Variants in WWOX observed in about 807,000 individuals in gnomAD.
The protein encoded by WWOX is WW domain-containing oxidoreductase.
In WWOX, 69 loss-of-function variants were observed where a neutral mutation model predicts 46.2. The observed-to-expected ratio is 1.49, with a 90% CI of 1.23 to 1.82. The LOEUF is 1.82. Among genes scored for constraint, WWOX ranks in the 40% most tolerant of loss-of-function variants. The pLI is 0.00. For synonymous variants in WWOX, 359 were observed against 202.6 expected (o/e 1.77, Z -6.56); for missense variants, 919 against 542.6 (o/e 1.69, Z -6.89).
intron 5 of WWOX, among the ~76,000 whole-genome samples, chr16:78,382,860 G>A (rs1040109220): frequency 4.6e-5 from 7 of 151,712 alleles, no homozygotes. Context: ...TTCTCACACT[G>A]CTATATAAAC....
intron 8 of WWOX, among the ~76,000 whole-genome samples, chr16:78,865,530 T>G (rs893727538): frequency 6.6e-6 from 1 of 152,180 alleles, no homozygotes; most frequent in Non-Finnish European, 1.5e-5. Context: ...AAATTTATAA[T>G]TCCTTAGATT....
intron 8 of WWOX, among the ~76,000 whole-genome samples, chr16:78,688,705 G>C (rs7189393): frequency 6.6e-6 from 1 of 152,136 alleles, no homozygotes; most frequent in Non-Finnish European, 1.5e-5. Flanking sequence ...GATTGAGGGA[G>C]AGTGCTCCTG....
At chr16:78,118,740 G>A (rs1332618924) in intron 4 of WWOX, among the ~76,000 whole-genome samples, 1 of 152,152 alleles carries the variant, frequency 6.6e-6, no homozygotes, top group African/African-American at 2.4e-5. Context: ...CATTGAAAGT[G>A]ATATCACCCT....
chr16:78,303,646 G>T (rs546901780), intron 5 of WWOX, among the ~76,000 whole-genome samples: 60 of 152,328 alleles, frequency 3.9e-4, no homozygotes, highest in African/African-American at 1.0e-3. Flanking sequence ...CCGGTTTCAA[G>T]CGATTCTCAT....
intron 8 of WWOX, among the ~76,000 whole-genome samples, chr16:79,168,655 A>G (rs577381223): frequency 9.2e-5 from 14 of 152,308 alleles, no homozygotes; most frequent in African/African-American, 3.4e-4. Context: ...TAGAATTTCC[A>G]GGTACTTTCA....
intron 8 of WWOX, among the ~76,000 whole-genome samples, chr16:79,070,082 C>T (rs1173389201): frequency 1.3e-5 from 2 of 152,190 alleles, no homozygotes; most frequent in African/African-American, 4.8e-5. Flanking sequence ...ATAGTTCCTC[C>T]TCAAGACTTA....
chr16:78,332,885 G>A (rs1597494916), intron 5 of WWOX, among the ~76,000 whole-genome samples: 1 of 152,042 alleles, frequency 6.6e-6, no homozygotes, highest in Non-Finnish European at 1.5e-5. Context: ...GTGTAAAGTT[G>A]CAATGCAAAC....
At chr16:78,829,085 A>AAGAT (rs2051740129) in intron 8 of WWOX, among the ~76,000 whole-genome samples, 1 of 124,354 alleles carries the variant, frequency 8.0e-6, no homozygotes, top group Non-Finnish European at 1.7e-5. Context: ...GTCCATCTGG[A>AAGAT]AGATGGATGG....
At chr16:78,904,692 A>G (rs59626546) in intron 8 of WWOX, among the ~76,000 whole-genome samples, 19,394 of 152,106 alleles carry the variant, frequency 0.13, 1,616 homozygotes, top group Non-Finnish European at 0.17. Context: ...GGAGCAGGTA[A>G]TTATGCTGGG....
intron 8 of WWOX, among the ~76,000 whole-genome samples, chr16:78,961,457 GTGGA>G (rs940090519): frequency 3.0e-4 from 45 of 151,750 alleles, no homozygotes; most frequent in East Asian, 7.8e-4. Flanking sequence ...GGATGGATGG[GTGGA>G]TGGATGGATG....
At chr16:78,494,483 C>CG (rs1567605315) in intron 8 of WWOX, among the ~76,000 whole-genome samples, 1 of 151,994 alleles carries the variant, frequency 6.6e-6, no homozygotes, top group Non-Finnish European at 1.5e-5. Context: ...GATACAAACA[C>CG]AAGCATTAAG....
intron 8 of WWOX, among the ~76,000 whole-genome samples, chr16:79,158,129 C>T (rs943423118): frequency 1.3e-5 from 2 of 152,006 alleles, no homozygotes; most frequent in South Asian, 2.1e-4. Context: ...ATGGTTCCCA[C>T]AAGAGAGAAG....
chr16:78,243,392 C>T (rs1373042766), intron 5 of WWOX, among the ~76,000 whole-genome samples: 2 of 151,918 alleles, frequency 1.3e-5, no homozygotes, highest in East Asian at 3.9e-4. Flanking sequence ...TTCTGGGGTA[C>T]TCGTGCAGGG....
chr16:78,660,800 G>C (rs1000641108), intron 8 of WWOX, among the ~76,000 whole-genome samples: 2 of 152,084 alleles, frequency 1.3e-5, no homozygotes, highest in African/African-American at 4.8e-5. Flanking sequence ...TGCAGATATG[G>C]ATAGCCTTTT....
At chr16:78,728,524 A>G (rs1408555975) in intron 8 of WWOX, among the ~76,000 whole-genome samples, 6 of 152,188 alleles carry the variant, frequency 3.9e-5, no homozygotes, top group Non-Finnish European at 8.8e-5. Flanking sequence ...ATCACATGGC[A>G]TGTGGCCTCT....
At chr16:79,018,053 G>T (rs1337338624) in intron 8 of WWOX, among the ~76,000 whole-genome samples, 1 of 152,176 alleles carries the variant, frequency 6.6e-6, no homozygotes, top group Non-Finnish European at 1.5e-5. Context: ...GCAAAAAAGG[G>T]AAACAAAACT....
chr16:78,143,705 C>T (rs969382586), intron 4 of WWOX, among the ~76,000 whole-genome samples: 6 of 147,942 alleles, frequency 4.1e-5, no homozygotes, highest in Non-Finnish European at 5.9e-5. Flanking sequence ...AATAAGTTTT[C>T]AGAATTATTA....
chr16:78,746,728 A>G (rs895833453), intron 8 of WWOX, among the ~76,000 whole-genome samples: 11 of 151,890 alleles, frequency 7.2e-5, no homozygotes, highest in African/African-American at 2.4e-4. Context: ...CTGCAGAATG[A>G]GATAGATGAA....
chr16:78,183,349 G>A (rs1463926692), intron 5 of WWOX, among the ~76,000 whole-genome samples: 1 of 152,200 alleles, frequency 6.6e-6, no homozygotes, highest in Non-Finnish European at 1.5e-5. Context: ...TACAATGCCT[G>A]TATTTCTCAT....
Sources: gnomAD v4.1 joint callset for allele counts (sites outside exome capture counted in the v4.1 genomes callset) on GRCh38, gnomAD v4.1.1 for gene constraint, MANE v1.5 for transcripts, NCBI Gene and HGNC (gene_info 2026-07-23, HGNC 2026-07-21) for gene names.